HSPA4: variants seen among roughly 807,000 people sequenced by gnomAD.
HSPA4 encodes heat shock protein family A (Hsp70) member 4.
A neutral mutation model predicts 106.2 loss-of-function variants in HSPA4; 25 were observed. The observed-to-expected ratio is 0.24, with a 90% CI of 0.17 to 0.33. The LOEUF (loss-of-function observed/expected upper bound fraction) is 0.33. Ranked by LOEUF, HSPA4 falls within the 10% of genes least tolerant of loss-of-function variation. The pLI is 1.00. For synonymous variants in HSPA4, 332 were observed against 333.6 expected (o/e 1.00, Z 0.05); for missense variants, 841 against 996.0 (o/e 0.84, Z 2.10).
At position 133,069,044 on chromosome 5, in the gene HSPA4, G is replaced by T. The variant is rs192101185; in HGVS notation, c.307-1330G>T. On this transcript the variant is annotated intron_variant, in intron 3 of 18. Coordinates refer to ENST00000304858, the MANE Select transcript of HSPA4 (RefSeq NM_002154.4). ...GGGCTGGGGAGTCAGAAGGTGGCAC[G>T]CAAGCTTGAGTTAGGGCAGCAGCTA... is the stretch of plus-strand genomic sequence containing the variant. 1.5e-3 allele frequency among the ~76,000 whole-genome samples: 231 copies of T among 152,250 alleles called. 1 individual carries two copies. The highest frequency in any genetic ancestry group is 1.6e-3 in the Admixed American group (24 of 15,280).
intron 13 of HSPA4, among the ~76,000 whole-genome samples, 189 bp downstream of exon 13, chr5:133,092,978 G>A (rs931871837): frequency 6.9e-6 from 1 of 143,888 alleles, no homozygotes; most frequent in Admixed American, 6.8e-5. Context: ...CCACCACCAC[G>A]GCAGCTATTT....
intron 7 of HSPA4, among the ~76,000 whole-genome samples, chr5:133,079,090 T>A (rs80115383): frequency 0.012 from 1,819 of 152,326 alleles, 37 homozygotes; most frequent in African/African-American, 0.042. Context: ...ACCAGATTAT[T>A]TGACATTATA....
intron 3 of HSPA4, among the ~76,000 whole-genome samples, chr5:133,069,638 T>C (rs1765356432): frequency 6.6e-6 from 1 of 152,194 alleles, no homozygotes; most frequent in South Asian, 2.1e-4. Context: ...ATCAGACAAA[T>C]GCATGTCCTC....
At position 133,071,515 on chromosome 5, in the gene HSPA4, A is replaced by G. The variant is rs149233477; in HGVS notation, c.429+1019A>G. 1.4e-4 allele frequency among the ~76,000 whole-genome samples: 21 copies of G among 152,298 alleles called. No homozygotes were observed. In the East Asian group the frequency reaches 4.0e-3, roughly 29 times the overall value. On this transcript the variant is annotated intron_variant, in intron 4 of 18. Transcript: ENST00000304858. ...TTATCTTTTGCATATCCCTGTTAAGATGGAAGCCTGGCTACTGTAGTTTTG... is the reference window on the plus strand; with the variant it reads ...TTATCTTTTGCATATCCCTGTTAAGGTGGAAGCCTGGCTACTGTAGTTTTG...
Position 133,106,153 on chromosome 5 carries a change from T to TGG in HSPA4, c.*1718_*1719insGG. The TGG allele has an allele frequency of 2.9e-5, 3 of 103,172 alleles. No individual in the cohort carries two copies. Among genetic ancestry groups the TGG allele is most frequent in the African/African-American group, 4.0e-5 (1 of 24,756 alleles). The allele number at this position is 103,172 out of a possible 1,614,324, so 6.4% of individuals were successfully genotyped here. A position where few individuals can be genotyped will look rare whatever the true frequency, so the allele number is the denominator to read the frequency against. ...TTTTTTTTTTTTTGGTGTGTGTGTG[T>TGG]GTGTGTGTGGGGAAGGGTGTGGGTG... On this transcript the variant is annotated 3_prime_UTR_variant, in exon 19 of 19. Transcript: ENST00000304858.
intron 3 of HSPA4, 113 bp from the exon 4 acceptor site, chr5:133,070,261 T>G: frequency 2.1e-6 from 2 of 970,964 alleles, no homozygotes; most frequent in Non-Finnish European, 1.5e-6. Context: ...TTCAATCCCC[T>G]CTTGAGATAA....
In HSPA4 at chr5:133,103,899, T is replaced by C; in HGVS notation, c.2192T>C (p.Met731Thr). The C allele has an allele frequency of 1.2e-6, 2 of 1,614,030 alleles. No homozygotes were observed. Among genetic ancestry groups the C allele is most frequent in the Non-Finnish European group, 1.7e-6 (2 of 1,179,986 alleles). Residue 731 changes from methionine (M) to threonine (T), a missense_variant, in exon 18 of 19, where the codon ATG becomes ACG. Physicochemically the swap from Met to Thr is moderately conservative, Grantham distance 81. This residue lies in a region of HSPA4 where 328 missense variants were observed against 372.2 expected (regional missense o/e 0.88). Coordinates refer to ENST00000304858, the MANE Select transcript of HSPA4 (RefSeq NM_002154.4). ...DQYDHLDAAD[M>T]TKVEKSTNEA... ...TATGATCATTTGGATGCTGCTGACA[T>C]GACAAAGGTAGAAAAAAGCACAAAT...
At chr5:133,058,504 C>T (rs1247322550) in intron 1 of HSPA4, among the ~76,000 whole-genome samples, 1 of 151,902 alleles carries the variant, frequency 6.6e-6, no homozygotes, top group Non-Finnish European at 1.5e-5. Context: ...CCGGTGAAAC[C>T]TTGTCTCTAC....
intron 4 of HSPA4, among the ~76,000 whole-genome samples, chr5:133,072,400 T>TTTTTTGTTTTTTG (rs1561579071): frequency 1.1e-3 from 150 of 133,232 alleles, no homozygotes; most frequent in African/African-American, 4.5e-3. Context: ...TTGTTTTTTT[T>TTTTTTGTTTTTTG]TTTTTTTTTT....
Position 133,104,468 on chromosome 5 carries a change from T to C in HSPA4, c.*32T>C, listed in dbSNP as rs1157889853. ...CACTTGTTTCTATTAAAACAGACTATTATAAAGCTTTAAGTTGTCAACTTT... is the reference window on the plus strand; with the variant it reads ...CACTTGTTTCTATTAAAACAGACTACTATAAAGCTTTAAGTTGTCAACTTT... On this transcript the variant is annotated 3_prime_UTR_variant, in exon 19 of 19. Coordinates refer to ENST00000304858, the MANE Select transcript of HSPA4 (RefSeq NM_002154.4). 1.9e-6 allele frequency: 3 copies of C among 1,572,590 alleles called. No homozygotes were observed. Among genetic ancestry groups the C allele is most frequent in the South Asian group, 1.1e-5 (1 of 89,064 alleles).
At chr5:133,084,658 C>T (rs1765556051) in intron 7 of HSPA4, among the ~76,000 whole-genome samples, 2 of 151,470 alleles carry the variant, frequency 1.3e-5, no homozygotes, top group South Asian at 2.1e-4. Flanking sequence ...TTGGTAGAGA[C>T]GGGCTTTCTC....
chr5:133,059,839 A>C (rs1430996960), intron 1 of HSPA4, among the ~76,000 whole-genome samples: 1 of 152,186 alleles, frequency 6.6e-6, no homozygotes, highest in Non-Finnish European at 1.5e-5. Flanking sequence ...ACTATGAAAC[A>C]AGGGATCTTG....
At chr5:133,068,135 C>G (rs11960139) in intron 3 of HSPA4, among the ~76,000 whole-genome samples, 84,189 of 151,796 alleles carry the variant, frequency 0.55, 24,619 homozygotes, top group African/African-American at 0.75. Flanking sequence ...CTTGTGATTC[C>G]CCTGCCTCAG....
In HSPA4 at chr5:133,089,009, A is replaced by C. The variant is rs371883979; in HGVS notation, c.1138-46A>C. 51 of 967,296 alleles carry C rather than the reference A, an allele frequency of 5.3e-5. No homozygotes were observed. In the African/African-American group the frequency reaches 7.5e-4, roughly 14 times the overall value. 59.9% of individuals were successfully genotyped at this position (967,296 alleles called of 1,614,324 possible). Reference sequence around the variant, plus strand: ...TGTTTAAGTGATATTATCAGTTTATATTGTCTATACTTGTTAAACGGAATT... The same window carrying C: ...TGTTTAAGTGATATTATCAGTTTATCTTGTCTATACTTGTTAAACGGAATT... On this transcript the variant is annotated intron_variant, in intron 9 of 18. Coordinates refer to ENST00000304858, the MANE Select transcript of HSPA4 (RefSeq NM_002154.4).
chr5:133,079,826 C>T (rs764985523), intron 7 of HSPA4, among the ~76,000 whole-genome samples: 7 of 152,136 alleles, frequency 4.6e-5, no homozygotes, highest in Non-Finnish European at 7.4e-5. Context: ...GTTAATTCAT[C>T]GTTTTGATGG....
intron 4 of HSPA4, among the ~76,000 whole-genome samples, chr5:133,072,828 T>C (rs1349435320): frequency 1.3e-5 from 2 of 152,206 alleles, no homozygotes; most frequent in Non-Finnish European, 2.9e-5. Context: ...ATAAACAGTT[T>C]AGGTACAGTG....
At chr5:133,057,571 C>T (rs763811162) in intron 1 of HSPA4, among the ~76,000 whole-genome samples, 25 of 152,132 alleles carry the variant, frequency 1.6e-4, no homozygotes, top group Non-Finnish European at 3.4e-4. Flanking sequence ...AGGACCTATG[C>T]CAATTGCAGC....
At chr5:133,088,311 G>A in intron 8 of HSPA4, 93 bp from the exon 9 acceptor site, 1 of 843,170 alleles carries the variant, frequency 1.2e-6, no homozygotes, top group Non-Finnish European at 1.9e-6. Context: ...GGAGTTGGAG[G>A]AGTTTTGTTA....
chr5:133,073,279 C>G lies in HSPA4; in HGVS notation c.479C>G (p.Thr160Arg). The change falls in exon 5 of 19, where the codon ACA becomes AGA. Residue 160 changes from threonine to arginine, a missense_variant. By Grantham distance (71) the Thr-to-Arg change is moderately conservative (BLOSUM62 -1). Transcript: ENST00000304858. ...GAAAGACGATCAGTGATGGATGCAA[C>G]ACAGATTGCTGGTCTTAATTGCTTG... ...DAERRSVMDA[T>R]QIAGLNCLRL... is the part of the protein sequence containing the mutation. 2 of 1,611,878 alleles carry G rather than the reference C, an allele frequency of 1.2e-6. No individual in the cohort carries two copies. Among genetic ancestry groups the G allele is most frequent in the Non-Finnish European group, 1.7e-6 (2 of 1,178,838 alleles).
Sources: gnomAD v4.1 joint callset for allele counts (sites outside exome capture counted in the v4.1 genomes callset) on GRCh38, gnomAD v4.1.1 for gene constraint, gnomAD v4.1.1 regional missense constraint, MANE v1.5 for transcripts, NCBI Gene and HGNC (gene_info 2026-07-23, HGNC 2026-07-21) for gene names.